NREP: variants seen among roughly 807,000 people sequenced by gnomAD.
NREP encodes the protein neuronal regeneration-related protein.
A neutral mutation model predicts 8.6 loss-of-function variants in NREP; 5 were observed. That is an observed-to-expected ratio of 0.58 (90% confidence interval 0.30 to 1.22). The LOEUF (loss-of-function observed/expected upper bound fraction) is 1.22, where lower values mean the gene tolerates loss of function less well. Ranked by LOEUF, NREP falls within the 50% of genes most tolerant of loss-of-function variation. The pLI, the probability that NREP is intolerant of heterozygous loss-of-function variation, is 0.07. For missense variants in NREP, 86 were observed against 82.5 expected, an observed-to-expected ratio of 1.04 and a Z score of -0.17; for synonymous variants, 27 against 28.0, an observed-to-expected ratio of 0.96 and a Z score of 0.11.
chr5:111,862,871 A>G (rs773531729), intron 2 of NREP, among the ~76,000 whole-genome samples: 82 of 151,280 alleles, frequency 5.4e-4, no homozygotes, highest in Non-Finnish European at 9.0e-4. Context: ...CAGCCAGTGT[A>G]GCTCATCTTA....
At chr5:111,971,028 G>C (rs1049581717) in intron 2 of NREP, among the ~76,000 whole-genome samples, 1 of 152,014 alleles carries the variant, frequency 6.6e-6, no homozygotes, top group Non-Finnish European at 1.5e-5. Context: ...TGTTGACAGG[G>C]AGAAACCATT....
At chr5:111,976,052 A>G (rs568469498) in intron 1 of NREP, among the ~76,000 whole-genome samples, 10 of 152,158 alleles carry the variant, frequency 6.6e-5, no homozygotes, top group Admixed American at 1.3e-4. Flanking sequence ...AGAAACCCCC[A>G]AAGTATAGAT....
intron 2 of NREP, among the ~76,000 whole-genome samples, chr5:111,884,557 T>C (rs1218298725): frequency 4.0e-5 from 6 of 148,404 alleles, no homozygotes. Context: ...TTGATGAACA[T>C]TGATGCAAAA....
At chr5:111,959,745 A>G (rs1019468677) in intron 2 of NREP, among the ~76,000 whole-genome samples, 1 of 152,088 alleles carries the variant, frequency 6.6e-6, no homozygotes, top group Admixed American at 6.5e-5. Context: ...GAAGCAATTT[A>G]TCATCATTTC....
chr5:111,935,933 T>C (rs1024857019), intron 2 of NREP, among the ~76,000 whole-genome samples: 2 of 152,036 alleles, frequency 1.3e-5, no homozygotes, highest in Non-Finnish European at 2.9e-5. Flanking sequence ...AACTGAGGTG[T>C]TAACAGGGCC....
chr5:111,784,060 G>C (rs978633923), intron 2 of NREP, among the ~76,000 whole-genome samples: 1 of 152,144 alleles, frequency 6.6e-6, no homozygotes, highest in African/African-American at 2.4e-5. Flanking sequence ...GTGGGGTAGA[G>C]GGGGTGGACA....
chr5:111,737,169 GT>G (rs1749201235), intron 2 of NREP, among the ~76,000 whole-genome samples: 2 of 152,148 alleles, frequency 1.3e-5, no homozygotes, highest in Non-Finnish European at 1.5e-5. Context: ...CATCTGCCTT[GT>G]TTGGGACAAG....
At chr5:111,856,509 A>G (rs1244283942) in intron 2 of NREP, among the ~76,000 whole-genome samples, 3 of 152,176 alleles carry the variant, frequency 2.0e-5, no homozygotes, top group East Asian at 1.9e-4. Flanking sequence ...TCGAAGCAGT[A>G]TGATGGGAGA....
intron 2 of NREP, among the ~76,000 whole-genome samples, chr5:111,906,449 A>G (rs1309056716): frequency 1.3e-5 from 2 of 152,132 alleles, no homozygotes; most frequent in Admixed American, 6.6e-5. Flanking sequence ...TTAAGAATAC[A>G]GACTGATGGA....
exon 2 of NREP, chr5:111,975,324 G>A: frequency 6.4e-6 from 10 of 1,551,590 alleles, no homozygotes; most frequent in Admixed American, 2.0e-5. Flanking sequence ...TTGGAACAAG[G>A]GACTCTGTCT....
At chr5:111,958,632 AG>A in intron 2 of NREP, among the ~76,000 whole-genome samples, 1 of 152,088 alleles carries the variant, frequency 6.6e-6, no homozygotes, top group East Asian at 1.9e-4. Context: ...ATATGCACAA[AG>A]CTATTGAAGA....
At chr5:111,891,510 G>A (rs551399900) in intron 2 of NREP, among the ~76,000 whole-genome samples, 3 of 152,186 alleles carry the variant, frequency 2.0e-5, no homozygotes, top group East Asian at 1.9e-4. Flanking sequence ...TCTGTATAGC[G>A]ATGCCCCACT....
chr5:111,855,274 T>TA (rs1753401128), intron 2 of NREP, among the ~76,000 whole-genome samples: 1 of 152,220 alleles, frequency 6.6e-6, no homozygotes, highest in South Asian at 2.1e-4. Flanking sequence ...TTGATCAAGA[T>TA]ATTTTCCCTG....
intron 2 of NREP, among the ~76,000 whole-genome samples, chr5:111,966,850 G>T (rs1756656651): frequency 6.6e-6 from 1 of 152,136 alleles, no homozygotes; most frequent in Non-Finnish European, 1.5e-5. Context: ...AGGGAACCAA[G>T]ATCATAAGTC....
At chr5:111,860,934 T>C (rs577748915) in intron 2 of NREP, among the ~76,000 whole-genome samples, 6 of 152,270 alleles carry the variant, frequency 3.9e-5, no homozygotes, top group South Asian at 2.1e-4. Flanking sequence ...GGGATAAAGA[T>C]GGTGTTCTGA....
chr5:111,752,059 G>T (rs938456880), intron 2 of NREP, among the ~76,000 whole-genome samples: 1 of 152,220 alleles, frequency 6.6e-6, no homozygotes, highest in South Asian at 2.1e-4. Flanking sequence ...CACTCATTTG[G>T]TTTAGCAGAG....
intron 2 of NREP, among the ~76,000 whole-genome samples, chr5:111,884,793 C>T (rs961525897): frequency 6.6e-6 from 1 of 152,178 alleles, no homozygotes; most frequent in Non-Finnish European, 1.5e-5. Context: ...GCTAAAAACT[C>T]TCAATAAATT....
intron 2 of NREP, among the ~76,000 whole-genome samples, chr5:111,817,198 T>C (rs1752402781): frequency 6.6e-6 from 1 of 152,208 alleles, no homozygotes; most frequent in Non-Finnish European, 1.5e-5. Context: ...TTTTCTACAA[T>C]CACAATTACG....
At chr5:111,909,192 T>C (rs1754847836) in intron 2 of NREP, among the ~76,000 whole-genome samples, 1 of 152,086 alleles carries the variant, frequency 6.6e-6, no homozygotes, top group Non-Finnish European at 1.5e-5. Flanking sequence ...ACTCTGTTGA[T>C]AGTTTCTTTT....
Sources: allele counts gnomAD v4.1 joint callset (sites outside exome capture counted in the v4.1 genomes callset), GRCh38; gene constraint gnomAD v4.1.1; transcripts MANE v1.5; gene names NCBI Gene and HGNC (gene_info 2026-07-23, HGNC 2026-07-21).